PDXDC1: variants seen among roughly 807,000 people sequenced by gnomAD.
The protein encoded by PDXDC1 is pyridoxal-dependent decarboxylase domain-containing protein 1.
Under a neutral mutation model 100.1 loss-of-function variants are expected in PDXDC1, and 42 were observed. That is an observed-to-expected ratio of 0.42 (90% CI 0.33 to 0.54). The LOEUF (loss-of-function observed/expected upper bound fraction) is 0.54. Ranked by LOEUF, PDXDC1 falls within the 20% of genes least tolerant of loss-of-function variation. PDXDC1 has a pLI of 0.10. For synonymous variants in PDXDC1, 260 were observed against 371.7 expected (o/e 0.70, Z 3.46); for missense variants, 636 against 979.2 (o/e 0.65, Z 4.68).
intron 16 of PDXDC1, chr16:15,083,467 G>C: frequency 3.1e-6 from 5 of 1,605,276 alleles, no homozygotes; most frequent in South Asian, 1.1e-5. Flanking sequence ...AAATGAAATC[G>C]TACAAACAAC....
At chr16:15,032,000 A>G (rs941613341) in intron 17 of PDXDC1, 94 bp downstream of exon 17, 40 of 1,107,906 alleles carry the variant, frequency 3.6e-5, no homozygotes, top group Non-Finnish European at 5.1e-5. Flanking sequence ...ATCCAAGATG[A>G]ACGTGTAGTC....
In PDXDC1 at chr16:15,035,668, C is replaced by G. The variant is rs200905833; in HGVS notation, c.2107+115C>G. The G allele has an allele frequency of 9.7e-6, 6 of 616,668 alleles. No homozygotes were observed. The East Asian group carries it at 1.7e-4, about 18-fold the overall frequency. 38.2% of individuals were successfully genotyped at this position (616,668 alleles called of 1,614,324 possible). ...GGTCTATTTCTCTTAAGACCAACTA[C>G]TACCATCTCTTTAACCATCTTGGTA... On this transcript the variant is annotated intron_variant, in intron 22 of 22. Transcript: ENST00000396410.
At chr16:15,139,785 G>A (rs2048435426), downstream of PDXDC1, among the ~76,000 whole-genome samples, 1 of 152,044 alleles carries the variant, frequency 6.6e-6, no homozygotes, top group East Asian at 1.9e-4. Context: ...GGTCTCGAAA[G>A]AAAAGAAAGA....
At chr16:15,143,775 C>G (rs1413406513), downstream of PDXDC1, among the ~76,000 whole-genome samples, 2 of 152,222 alleles carry the variant, frequency 1.3e-5, no homozygotes, top group African/African-American at 4.8e-5. Context: ...CCCAGACAAA[C>G]CAGACCTGCC....
chr16:15,149,315 T>C, the PDXDC1 span, among the ~76,000 whole-genome samples: 1 of 152,110 alleles, frequency 6.6e-6, no homozygotes, highest in African/African-American at 2.4e-5. Flanking sequence ...ATCTGCGTGT[T>C]TGTTGAACGC....
chr16:15,001,684 G>T, intron 3 of PDXDC1, 92 bp from the exon 4 acceptor site: 2 of 1,105,160 alleles, frequency 1.8e-6, no homozygotes, highest in Non-Finnish European at 2.5e-6. Context: ...AAAAAAACTT[G>T]AAGCAACGCT....
intron 13 of PDXDC1, among the ~76,000 whole-genome samples, chr16:15,024,766 A>G (rs1233830382): frequency 3.3e-5 from 5 of 152,280 alleles, no homozygotes; most frequent in Admixed American, 6.5e-5. Flanking sequence ...TCTTAATTCA[A>G]ATCTCACCTC....
At chr16:15,145,122 C>A in the PDXDC1 span, among the ~76,000 whole-genome samples, 2 of 152,210 alleles carry the variant, frequency 1.3e-5, no homozygotes, top group African/African-American at 4.8e-5. Context: ...AACACCTCCC[C>A]GGGCAGCCAG....
In PDXDC1 at chr16:15,127,870, C is replaced by T. The variant is rs776050495; in HGVS notation, c.1400-11009C>T. ...GCACTGCAGCTCAGCCACCAGCAGG[C>T]GCCGGAAGCGCAACAGGGCTGCGTG... On this transcript the variant is annotated intron_variant, in intron 16 of 16. Transcript: ENST00000535621. 30 of 1,560,418 alleles carry T rather than the reference C, an allele frequency of 1.9e-5. No homozygotes were observed. The East Asian group carries it at 2.6e-4, about 14-fold the overall frequency.
At chr16:15,091,004 C>G (rs2151826207) in intron 16 of PDXDC1, among the ~76,000 whole-genome samples, 1 of 151,718 alleles carries the variant, frequency 6.6e-6, no homozygotes, top group East Asian at 1.9e-4. Flanking sequence ...ACACTGTTGT[C>G]ATTTGGGGCT....
chr16:15,028,947 G>C lies in PDXDC1; in HGVS notation c.1274G>C (p.Cys425Ser), dbSNP rs1227315097. The change falls in exon 15 of 23, where the codon TGT (cysteine) becomes TCT (serine). Residue 425 changes from cysteine (C) to serine (S), a missense_variant. Around this residue, in one of 4 missense-constraint regions of PDXDC1, gnomAD observed 44 missense variants for 46.9 expected, o/e 0.94. Transcript: ENST00000396410. ...PSGVGRERHS[C>S]DALNRWLGEQ... ...GGAGTCGGCCGGGAGAGGCACTCGT[G>C]TGACGCGCTGAATCGCTGGGTGAGA... The C allele has an allele frequency of 6.2e-7, 1 of 1,613,330 alleles. No individual in the cohort carries two copies. Among genetic ancestry groups the C allele is most frequent in the South Asian group, 1.1e-5 (1 of 91,076 alleles).
At chr16:14,979,802 C>T (rs1442536173) in intron 1 of PDXDC1, among the ~76,000 whole-genome samples, 1 of 152,276 alleles carries the variant, frequency 6.6e-6, no homozygotes, top group Non-Finnish European at 1.5e-5. Context: ...CATTCCTGAT[C>T]ATTACTTACT....
At chr16:15,024,774 C>G (rs113579543) in intron 13 of PDXDC1, among the ~76,000 whole-genome samples, 2 of 130,272 alleles carry the variant, frequency 1.5e-5, no homozygotes, top group Non-Finnish European at 3.3e-5. Context: ...CAAATCTCAC[C>G]TCTTCAGAAA....
At chr16:15,000,569 G>A (rs1380310894) in intron 3 of PDXDC1, among the ~76,000 whole-genome samples, 3 of 152,396 alleles carry the variant, frequency 2.0e-5, no homozygotes, top group Admixed American at 6.5e-5. Context: ...ATTAACAGAC[G>A]AATAGCCCTG....
chr16:15,104,350 G>A (rs567105478), intron 16 of PDXDC1: 1 of 1,595,618 alleles, frequency 6.3e-7, no homozygotes, highest in Admixed American at 1.7e-5. Flanking sequence ...TTCTTCGTTA[G>A]TTTCTTCAGA....
chr16:14,999,818 G>A (rs1270345217), intron 3 of PDXDC1, among the ~76,000 whole-genome samples: 1 of 152,232 alleles, frequency 6.6e-6, no homozygotes, highest in Non-Finnish European at 1.5e-5. Context: ...CAGTTAATCT[G>A]GGATTAGTAT....
intron 14 of PDXDC1, among the ~76,000 whole-genome samples, chr16:15,027,907 G>C (rs540802557): frequency 6.6e-6 from 1 of 152,278 alleles, no homozygotes; most frequent in African/African-American, 2.4e-5. Flanking sequence ...ACCTAGGTCC[G>C]TGGGGGTAGA....
chr16:15,109,104 C>T (rs948094350), intron 16 of PDXDC1: 2 of 144,708 alleles, frequency 1.4e-5, no homozygotes, highest in Admixed American at 7.1e-5. Flanking sequence ...TGCTACTAGG[C>T]CTCAATTCAT....
the PDXDC1 span, among the ~76,000 whole-genome samples, chr16:15,151,907 G>A: frequency 9.1e-6 from 1 of 110,276 alleles, no homozygotes; most frequent in African/African-American, 3.0e-5. Flanking sequence ...CTCCAGCCTT[G>A]GCAACAAGAG....
Sources: gnomAD v4.1 joint callset for allele counts (sites outside exome capture counted in the v4.1 genomes callset) on GRCh38, gnomAD v4.1.1 for gene constraint, gnomAD v4.1.1 regional missense constraint, MANE v1.5 for transcripts, NCBI Gene and HGNC (gene_info 2026-07-23, HGNC 2026-07-21) for gene names.